SH3BP5: variants seen among roughly 807,000 people sequenced by gnomAD.
The protein encoded by SH3BP5 is SH3 domain-binding protein 5.
SH3BP5 carries 22 observed loss-of-function variants against 43.3 expected under a neutral mutation model. That is an observed-to-expected ratio of 0.51 (90% CI 0.36 to 0.73). The LOEUF (loss-of-function observed/expected upper bound fraction) is 0.73. Among genes scored for constraint, SH3BP5 ranks in the 30% least tolerant of loss-of-function variants. The pLI, the probability that SH3BP5 is intolerant of heterozygous loss-of-function variation, is 0.00. For missense variants in SH3BP5, 529 were observed against 586.9 expected (o/e 0.90, Z 1.02); for synonymous variants, 255 against 225.8 (o/e 1.13, Z -1.16).
chr3:15,259,387 C>A, intron 6 of SH3BP5: 1 of 514,028 alleles, frequency 1.9e-6, no homozygotes, highest in African/African-American at 1.9e-5. Flanking sequence ...CAAAGTTGAG[C>A]TTGCATCAAA....
Position 15,262,904 on chromosome 3 carries a change from G to C in SH3BP5, c.496-615C>G, listed in dbSNP as rs371154600. On this transcript the variant is annotated intron_variant, in intron 4 of 8. Coordinates refer to ENST00000383791, the MANE Select transcript of SH3BP5 (RefSeq NM_004844.5). ...ACCCAGGAGATGAAGGTTGCAGTAA[G>C]CCGAGATCACGCCACTGCACTCCAT... Among the ~76,000 whole-genome samples the C allele has an allele frequency of 2.6e-5, 4 of 152,104 alleles. No individual in the cohort carries two copies. In the East Asian group the frequency reaches 5.8e-4, roughly 22 times the overall value.
At chr3:15,316,013 C>A (rs1310192433) in intron 2 of SH3BP5, among the ~76,000 whole-genome samples, 2 of 152,106 alleles carry the variant, frequency 1.3e-5, no homozygotes, top group African/African-American at 4.8e-5. Flanking sequence ...ACAACTTTCT[C>A]CAAATTGCAT....
At chr3:15,273,920 A>C (rs1005925559) in intron 3 of SH3BP5, among the ~76,000 whole-genome samples, 17 of 152,204 alleles carry the variant, frequency 1.1e-4, no homozygotes, top group African/African-American at 4.1e-4. Flanking sequence ...TTTGGGAGCC[A>C]TATTAGTCCA....
chr3:15,261,203 A>G (rs928446099), intron 5 of SH3BP5, among the ~76,000 whole-genome samples: 4 of 152,214 alleles, frequency 2.6e-5, no homozygotes, highest in African/African-American at 7.2e-5. Flanking sequence ...AACCAAAACA[A>G]AAATACACTA....
chr3:15,267,539 G>A (rs1696678713), intron 4 of SH3BP5, among the ~76,000 whole-genome samples: 1 of 152,188 alleles, frequency 6.6e-6, no homozygotes, highest in African/African-American at 2.4e-5. Context: ...TGCAGAGGTT[G>A]CCCCCAAGCC....
upstream of SH3BP5, among the ~76,000 whole-genome samples, chr3:15,334,333 C>G (rs1698675375): frequency 6.6e-6 from 1 of 152,160 alleles, no homozygotes; most frequent in Non-Finnish European, 1.5e-5. Flanking sequence ...TATATACAGT[C>G]AACCCTCCAT....
chr3:15,298,959 G>T (rs1306359447), intron 3 of SH3BP5, among the ~76,000 whole-genome samples: 1 of 151,152 alleles, frequency 6.6e-6, no homozygotes, highest in Non-Finnish European at 1.5e-5. Flanking sequence ...TTAAAATGGG[G>T]GAGAGGCAAA....
At chr3:15,279,124 C>T (rs746296792) in intron 3 of SH3BP5, among the ~76,000 whole-genome samples, 1 of 151,986 alleles carries the variant, frequency 6.6e-6, no homozygotes, top group East Asian at 1.9e-4. Context: ...GAGCCGAGAT[C>T]GCACCACTGC....
At chr3:15,267,404 CTGTTTT>C (rs575311554) in intron 4 of SH3BP5, among the ~76,000 whole-genome samples, 26 of 152,348 alleles carry the variant, frequency 1.7e-4, no homozygotes, top group African/African-American at 6.3e-4. Context: ...TTGCTGGTGT[CTGTTTT>C]TAACTCATCT....
chr3:15,290,108 A>G (rs777600125), intron 3 of SH3BP5, among the ~76,000 whole-genome samples: 3 of 151,964 alleles, frequency 2.0e-5, no homozygotes, highest in Non-Finnish European at 4.4e-5. Flanking sequence ...TTCCATTTAA[A>G]CCACTTCCTC....
At chr3:15,272,502 G>A (rs1296316702) in intron 3 of SH3BP5, among the ~76,000 whole-genome samples, 2 of 151,630 alleles carry the variant, frequency 1.3e-5, no homozygotes, top group South Asian at 4.2e-4. Flanking sequence ...GATGAGGTGG[G>A]GGACAGAAGG....
chr3:15,328,491 G>C (rs1396576561), intron 2 of SH3BP5, among the ~76,000 whole-genome samples: 2 of 152,114 alleles, frequency 1.3e-5, no homozygotes, highest in Non-Finnish European at 2.9e-5. Context: ...CACTTTGGGA[G>C]GCCAAGGTGG....
intron 2 of SH3BP5, among the ~76,000 whole-genome samples, chr3:15,311,085 G>A (rs773792694): frequency 5.9e-5 from 9 of 152,136 alleles, no homozygotes; most frequent in Non-Finnish European, 8.8e-5. Flanking sequence ...AAGATGGGAT[G>A]GTGATGTTTT....
At chr3:15,257,153 C>T (rs1696239518) in intron 7 of SH3BP5, 40 bp from the exon 8 acceptor site, 2 of 1,594,966 alleles carry the variant, frequency 1.3e-6, no homozygotes, top group African/African-American at 1.3e-5. Context: ...GGTTCTGTCA[C>T]CTCCTCAAAC....
At position 15,269,770 on chromosome 3, in the gene SH3BP5, A is replaced by G. The variant is rs201344268; in HGVS notation, c.438T>C (p.Asp146=). Reference sequence around the variant, plus strand: ...AGGCGGAGTCGAACTGCCGCTTGTCATCCTCCAGCAGCCGCTGCTCGGCCA... The same window carrying G: ...AGGCGGAGTCGAACTGCCGCTTGTCGTCCTCCAGCAGCCGCTGCTCGGCCA... ...ISLAEQRLLE[D]DKRQFDSAWQ... The change falls in exon 4 of 9, where the codon GAT becomes GAC. Residue 146 remains aspartate (D), a synonymous_variant. Coordinates refer to ENST00000383791, the MANE Select transcript of SH3BP5 (RefSeq NM_004844.5). 54 of 1,612,198 alleles carry G rather than the reference A, an allele frequency of 3.3e-5. No homozygotes were observed. In the African/African-American group the frequency reaches 6.4e-4, roughly 19 times the overall value.
chr3:15,321,313 T>C (rs538644696), intron 2 of SH3BP5, among the ~76,000 whole-genome samples: 5 of 152,324 alleles, frequency 3.3e-5, no homozygotes, highest in African/African-American at 1.2e-4. Flanking sequence ...TAGAAGATCC[T>C]AAAGTGCCTT....
At chr3:15,320,585 G>A (rs181166235) in intron 2 of SH3BP5, among the ~76,000 whole-genome samples, 47 of 95,968 alleles carry the variant, frequency 4.9e-4, no homozygotes, top group Non-Finnish European at 9.6e-4. Flanking sequence ...GTTCAATAGA[G>A]GTTTAATTCA....
intron 2 of SH3BP5, among the ~76,000 whole-genome samples, chr3:15,311,881 G>GCA (rs1321484682): frequency 6.6e-6 from 1 of 151,966 alleles, no homozygotes; most frequent in African/African-American, 2.4e-5. Flanking sequence ...TGTTGTCCAG[G>GCA]CTGGTCTCAA....
intron 3 of SH3BP5, among the ~76,000 whole-genome samples, chr3:15,290,302 G>A (rs930428152): frequency 2.6e-5 from 4 of 151,994 alleles, no homozygotes; most frequent in South Asian, 2.1e-4. Flanking sequence ...GCCAAGGCGG[G>A]CAGATCACGA....
Sources: allele counts gnomAD v4.1 joint callset (sites outside exome capture counted in the v4.1 genomes callset), GRCh38; gene constraint gnomAD v4.1.1; transcripts MANE v1.5; gene names NCBI Gene and HGNC (gene_info 2026-07-23, HGNC 2026-07-21).